The following AR variants were observed in gnomAD, a reference collection of about 807,000 sequenced individuals.
AR encodes the protein androgen receptor.
A neutral mutation model predicts 53.9 loss-of-function variants in AR; 8 were observed. That is an observed-to-expected ratio of 0.15 (90% CI 0.09 to 0.27). The LOEUF is 0.27. AR is among the 10% of genes least tolerant of loss of function. AR has a pLI of 1.00. For synonymous variants in AR, 359 were observed against 316.4 expected (o/e 1.13, Z -1.43); for missense variants, 639 against 742.5 (o/e 0.86, Z 1.62).
chrX:67,637,682 T>C (rs1048127334), intron 1 of AR, among the ~76,000 whole-genome samples: 1 of 110,812 alleles, frequency 9.0e-6, no homozygotes, highest in Admixed American at 9.7e-5. Flanking sequence ...GGCACAATGT[T>C]GTACAGCAGA....
chrX:67,545,389 G>A lies in AR; in HGVS notation c.243G>A (p.Glu81=), dbSNP rs766248260. 5 of 1,195,647 alleles carry A rather than the reference G, an allele frequency of 4.2e-6. No individual in the cohort carries two copies. The South Asian group carries it at 9.0e-5, about 21-fold the overall frequency. The change falls in exon 1 of 8, where the codon GAG becomes GAA. Residue 81 remains glutamate, a synonymous_variant. Coordinates refer to ENST00000374690, the MANE Select transcript of AR (RefSeq NM_000044.6). ...AGCAGCAGCAGCAGCAGCAGCAAGAGACTAGCCCCAGGCAGCAGCAGCAGC... is the reference window on the plus strand; with the variant it reads ...AGCAGCAGCAGCAGCAGCAGCAAGAAACTAGCCCCAGGCAGCAGCAGCAGC... ...QQQQQQQQQQ[E]TSPRQQQQQQ...
chrX:67,683,627 A>T lies in AR; in HGVS notation c.1769-2383A>T, dbSNP rs1260608547. Among the ~76,000 whole-genome samples the T allele has an allele frequency of 3.6e-5, 4 of 112,473 alleles. No individual in the cohort carries two copies. The Admixed American group carries it at 3.8e-4, about 11-fold the overall frequency. On this transcript the variant is annotated intron_variant, in intron 2 of 7. Transcript: ENST00000374690. Reference sequence around the variant, plus strand: ...CCCACTGCTCTTTCTCTCATCTGGGATTTGTGTATTTTTGTTCATTAGAGA... The same window carrying T: ...CCCACTGCTCTTTCTCTCATCTGGGTTTTGTGTATTTTTGTTCATTAGAGA...
At chrX:67,644,163 A>G (rs918987014) in intron 2 of AR, among the ~76,000 whole-genome samples, 1 of 112,071 alleles carries the variant, frequency 8.9e-6, no homozygotes, top group Non-Finnish European at 1.9e-5. Context: ...CACATTCTGC[A>G]GTAGAAACTC....
intron 1 of AR, among the ~76,000 whole-genome samples, chrX:67,601,670 C>A (rs1366376843): frequency 1.8e-5 from 2 of 112,312 alleles, no homozygotes; most frequent in African/African-American, 6.5e-5. Context: ...ATTTCAGATT[C>A]ATGTGTTTAT....
At chrX:67,614,089 G>A (rs1374842465) in intron 1 of AR, among the ~76,000 whole-genome samples, 2 of 112,257 alleles carry the variant, frequency 1.8e-5, no homozygotes, top group Non-Finnish European at 3.8e-5. Context: ...GTACTCAGAA[G>A]GCTTAAAGTC....
chrX:67,618,098 A>G (rs1298799194), intron 1 of AR, among the ~76,000 whole-genome samples: 1 of 111,907 alleles, frequency 8.9e-6, no homozygotes, highest in East Asian at 2.8e-4. Context: ...CTCAGTTTTT[A>G]TTCTAGATTA....
At chrX:67,670,026 A>AT (rs1345330053) in intron 2 of AR, among the ~76,000 whole-genome samples, 4 of 98,704 alleles carry the variant, frequency 4.1e-5, no homozygotes, top group Non-Finnish European at 8.1e-5. Flanking sequence ...AACAATTATT[A>AT]TTTTTTAAAA....
At chrX:67,716,110 G>T (rs765034678) in intron 4 of AR, among the ~76,000 whole-genome samples, 3 of 111,864 alleles carry the variant, frequency 2.7e-5, no homozygotes, top group South Asian at 7.5e-4. Context: ...TAGGCCATTT[G>T]TTTAGGTAAT....
At chrX:67,633,898 G>T (rs1925293553) in intron 1 of AR, among the ~76,000 whole-genome samples, 1 of 111,674 alleles carries the variant, frequency 9.0e-6, no homozygotes, top group Non-Finnish European at 1.9e-5. Flanking sequence ...TTTTTCCAGG[G>T]TCTGGGAGGA....
chrX:67,544,684 G>C lies in AR; in HGVS notation c.-463G>C. The C allele has an allele frequency of 5.7e-6, 1 of 175,131 alleles. No homozygotes were observed. The highest frequency in any genetic ancestry group is 1.1e-5 in the Non-Finnish European group (1 of 92,109). 14.4% of individuals were successfully genotyped at this position (175,131 alleles called of 1,213,427 possible). ...CACCTCCTCCTGCCTTCCCCACCCC[G>C]AGTGCGGAGCCAGAGATCAAAAGAT... is the stretch of plus-strand genomic sequence containing the variant. On this transcript the variant is annotated 5_prime_UTR_variant, in exon 1 of 8. Transcript: ENST00000374690.
chrX:67,668,402 G>A (rs937590568), intron 2 of AR, among the ~76,000 whole-genome samples: 5 of 111,793 alleles, frequency 4.5e-5, no homozygotes, highest in Admixed American at 3.8e-4. Flanking sequence ...CTTGCATCCC[G>A]TGGTAAATCC....
At position 67,584,889 on chromosome X, in the gene AR, G is replaced by A. The variant is rs766438629; in HGVS notation, c.1616+38127G>A. 2.7e-5 allele frequency among the ~76,000 whole-genome samples: 3 copies of A among 111,711 alleles called. No individual in the cohort carries two copies. In the Admixed American group the frequency reaches 2.9e-4, roughly 11 times the overall value. ...TTTCTAGGTCTCAGCCAACTTTGAA[G>A]GGCATGAACTCACAGTAGCCTCACT... On this transcript the variant is annotated intron_variant, in intron 1 of 7. Transcript: ENST00000374690.
chrX:67,603,084 T>C (rs1056139150), intron 1 of AR, among the ~76,000 whole-genome samples: 2 of 111,727 alleles, frequency 1.8e-5, no homozygotes, highest in Non-Finnish European at 3.8e-5. Context: ...ACAAATCCTT[T>C]GATACACAAA....
chrX:67,546,602 C>A lies in AR; in HGVS notation c.1456C>A (p.Pro486Thr), dbSNP rs1219527157. 1 of 1,182,385 alleles carries A rather than the reference C, an allele frequency of 8.5e-7. No individual in the cohort carries two copies. Among genetic ancestry groups the A allele is most frequent in the South Asian group, 1.9e-5 (1 of 53,302 alleles). The change falls in exon 1 of 8, where the codon CCC becomes ACC. Residue 486 changes from proline (P) to threonine (T), a missense_variant. Physicochemically the swap from Pro to Thr is conservative, Grantham distance 38. Coordinates refer to ENST00000374690, the MANE Select transcript of AR (RefSeq NM_000044.6). ...TGTAGCCCCCTACGGCTACACTCGG[C>A]CCCCTCAGGGGCTGGCGGGCCAGGA... Reference protein sequence around the residue: ...GAVAPYGYTRPPQGLAGQESD... With the variant: ...GAVAPYGYTRTPQGLAGQESD...
intron 5 of AR, 63 bp downstream of exon 5, chrX:67,717,685 G>A (rs2076119361): frequency 7.7e-6 from 9 of 1,173,869 alleles, no homozygotes; most frequent in Non-Finnish European, 1.0e-5. Flanking sequence ...CTGGTTGGTG[G>A]TGATGGTGAT....
intron 2 of AR, among the ~76,000 whole-genome samples, chrX:67,670,374 A>T (rs1011822051): frequency 3.9e-5 from 4 of 102,012 alleles, no homozygotes; most frequent in Non-Finnish European, 5.9e-5. Context: ...GTATTATTTT[A>T]AAAATATTTT....
intron 1 of AR, among the ~76,000 whole-genome samples, chrX:67,602,585 A>T (rs1254857226): frequency 8.9e-6 from 1 of 112,129 alleles, no homozygotes; most frequent in Non-Finnish European, 1.9e-5. Flanking sequence ...TTGAAGATAG[A>T]GGAGGCTGCA....
At chrX:67,623,195 A>G (rs997658420) in intron 1 of AR, among the ~76,000 whole-genome samples, 1 of 110,078 alleles carries the variant, frequency 9.1e-6, no homozygotes. Context: ...CCGCCCTTTC[A>G]TGAAAGCAGT....
Position 67,703,682 on chromosome X carries a change from C to T in AR, c.1886-7720C>T, listed in dbSNP as rs1042822985. On this transcript the variant is annotated intron_variant, in intron 3 of 7. Coordinates refer to ENST00000374690, the MANE Select transcript of AR (RefSeq NM_000044.6). ...TTATTATACTTTAAGTTCTAGGGTA[C>T]GTGTGCACAACTTGCAGGTTTGTTA... 7.2e-5 allele frequency among the ~76,000 whole-genome samples: 8 copies of T among 111,765 alleles called. No individual in the cohort carries two copies. In the South Asian group the frequency reaches 1.9e-3, roughly 26 times the overall value.
Sources: allele counts gnomAD v4.1 joint callset (sites outside exome capture counted in the v4.1 genomes callset), GRCh38; gene constraint gnomAD v4.1.1; transcripts MANE v1.5; gene names NCBI Gene and HGNC (gene_info 2026-07-23, HGNC 2026-07-21).